The following SGK1 variants were observed in gnomAD, a reference collection of about 807,000 sequenced individuals.
SGK1 encodes the protein serum/glucocorticoid regulated kinase 1, also known as serine/threonine-protein kinase Sgk1.
SGK1 carries 26 observed loss-of-function variants against 64.2 expected under a neutral mutation model. The observed-to-expected ratio is 0.40, with a 90% confidence interval of 0.30 to 0.56. The LOEUF is 0.56. Among genes scored for constraint, SGK1 ranks in the 20% least tolerant of loss-of-function variants. The probability of loss-of-function intolerance (pLI) is 0.38; values close to 1 mark genes in which losing one functional copy is unlikely to be tolerated. For missense variants in SGK1, 519 were observed against 645.6 expected (o/e 0.80, Z 2.12); for synonymous variants, 265 against 239.7 (o/e 1.11, Z -0.98).
intron 1 of SGK1, among the ~76,000 whole-genome samples, chr6:134,301,957 G>A (rs4895403): frequency 0.52 from 79,433 of 151,902 alleles, 21,359 homozygotes; most frequent in East Asian, 0.9. Flanking sequence ...AAAGAAATAC[G>A]AAACAAAAGA....
At chr6:134,267,723 C>T (rs1373838816) in intron 1 of SGK1, among the ~76,000 whole-genome samples, 2 of 152,084 alleles carry the variant, frequency 1.3e-5, no homozygotes, top group African/African-American at 4.8e-5. Flanking sequence ...CAGTATGAGC[C>T]AGGATACTAT....
At chr6:134,251,581 C>G (rs1323065958) in intron 2 of SGK1, among the ~76,000 whole-genome samples, 1 of 152,034 alleles carries the variant, frequency 6.6e-6, no homozygotes, top group Non-Finnish European at 1.5e-5. Flanking sequence ...GGATGAAGTC[C>G]CTTATTCCCT....
intron 2 of SGK1, chr6:134,260,669 A>G (rs1006907929): frequency 6.8e-6 from 1 of 147,056 alleles, no homozygotes; most frequent in Non-Finnish European, 1.5e-5. Context: ...TGAAACTCAA[A>G]AAAAAAAAAA....
intron 2 of SGK1, among the ~76,000 whole-genome samples, chr6:134,257,416 C>CAAACA (rs902231346): frequency 6.6e-6 from 1 of 152,110 alleles, no homozygotes; most frequent in South Asian, 2.1e-4. Flanking sequence ...AAAAACCCAA[C>CAAACA]AAACAAAACA....
intron 1 of SGK1, among the ~76,000 whole-genome samples, chr6:134,276,778 A>G (rs1015655921): frequency 1.3e-5 from 2 of 152,210 alleles, no homozygotes; most frequent in East Asian, 1.9e-4. Flanking sequence ...TCAGCTGTGC[A>G]TGGTGGCTCA....
intron 1 of SGK1, among the ~76,000 whole-genome samples, chr6:134,309,526 G>A (rs374081642): frequency 1.3e-5 from 2 of 152,206 alleles, no homozygotes; most frequent in East Asian, 1.9e-4. Context: ...CACTGCTGCT[G>A]TCCTCATTTC....
chr6:134,184,322 C>A lies in SGK1; in HGVS notation c.362-9736G>T, dbSNP rs928871490. ...GACCATTCTGGCCAACATGGTGAAACCCCGTCCCTACTTAAAAAAAATATA... is the reference window on the plus strand; with the variant it reads ...GACCATTCTGGCCAACATGGTGAAAACCCGTCCCTACTTAAAAAAAATATA... On this transcript the variant is annotated intron_variant, in intron 3 of 13. Transcript: ENST00000367858. 2.0e-5 allele frequency among the ~76,000 whole-genome samples: 3 copies of A among 151,750 alleles called. No individual in the cohort carries two copies. In the South Asian group the frequency reaches 6.3e-4, roughly 32 times the overall value.
intron 1 of SGK1, chr6:134,297,489 C>T (rs1224333226): frequency 9.9e-6 from 6 of 603,202 alleles, no homozygotes; most frequent in South Asian, 4.2e-5. Flanking sequence ...GCTGATGTTC[C>T]GGTTCATCTT....
chr6:134,298,187 G>T, intron 1 of SGK1: 3 of 1,459,184 alleles, frequency 2.1e-6, no homozygotes, highest in South Asian at 2.3e-5. Context: ...ATCCTCACCA[G>T]CCCCTGCATG....
intron 3 of SGK1, among the ~76,000 whole-genome samples, chr6:134,199,959 T>G (rs1009288745): frequency 6.6e-6 from 1 of 152,186 alleles, no homozygotes; most frequent in African/African-American, 2.4e-5. Flanking sequence ...TTATCTGGTT[T>G]TCTCTAAGCA....
chr6:134,268,851 TA>T (rs1349030866), intron 1 of SGK1, among the ~76,000 whole-genome samples: 1 of 145,788 alleles, frequency 6.9e-6, no homozygotes, highest in African/African-American at 2.5e-5. Context: ...TTCATTTAAC[TA>T]GACAGAAACT....
At chr6:134,208,427 T>C (rs1402078488) in intron 2 of SGK1, among the ~76,000 whole-genome samples, 2 of 152,086 alleles carry the variant, frequency 1.3e-5, no homozygotes, top group Non-Finnish European at 2.9e-5. Flanking sequence ...TGGTGTATGG[T>C]TACATGGATA....
chr6:134,228,184 A>C (rs1183602166), intron 2 of SGK1, among the ~76,000 whole-genome samples: 1 of 151,912 alleles, frequency 6.6e-6, no homozygotes, highest in Admixed American at 6.6e-5. Flanking sequence ...CGAACTCCTG[A>C]CCTCAGGTGA....
At chr6:134,231,452 A>G (rs1041064944) in intron 2 of SGK1, among the ~76,000 whole-genome samples, 12 of 152,380 alleles carry the variant, frequency 7.9e-5, no homozygotes, top group African/African-American at 2.6e-4. Context: ...GCAATATTCA[A>G]TGCTGGCAAG....
At chr6:134,252,093 C>T (rs1380353292) in intron 2 of SGK1, among the ~76,000 whole-genome samples, 2 of 152,148 alleles carry the variant, frequency 1.3e-5, no homozygotes, top group Non-Finnish European at 2.9e-5. Flanking sequence ...CTATGTACTT[C>T]GTGATAGGTA....
chr6:134,293,583 A>G (rs1777298157), intron 1 of SGK1, among the ~76,000 whole-genome samples: 1 of 152,216 alleles, frequency 6.6e-6, no homozygotes, highest in Admixed American at 6.5e-5. Flanking sequence ...AATGTCAAAA[A>G]GAACAGAAAT....
intron 3 of SGK1, chr6:134,175,456 C>T: frequency 7.6e-7 from 1 of 1,322,034 alleles, no homozygotes; most frequent in Admixed American, 4.0e-5. Context: ...ACCCCGGCCC[C>T]GAGAACTCCG....
At chr6:134,176,837 A>G (rs893752706) in intron 3 of SGK1, among the ~76,000 whole-genome samples, 4 of 152,164 alleles carry the variant, frequency 2.6e-5, no homozygotes, top group Non-Finnish European at 5.9e-5. Flanking sequence ...CTTTGTTGCA[A>G]CAGCCCCAAA....
At chr6:134,241,048 CTTTTTTT>C (rs10686058) in intron 2 of SGK1, among the ~76,000 whole-genome samples, 20 of 74,114 alleles carry the variant, frequency 2.7e-4, no homozygotes, top group East Asian at 2.2e-3. Context: ...TTCTTTTTTT[CTTTTTTT>C]TTTTTTTTTT....
Sources: allele counts gnomAD v4.1 joint callset (sites outside exome capture counted in the v4.1 genomes callset), GRCh38; gene constraint gnomAD v4.1.1; transcripts MANE v1.5; gene names NCBI Gene and HGNC (gene_info 2026-07-23, HGNC 2026-07-21).